The following KLRG1 variants were observed in gnomAD, a reference collection of about 807,000 sequenced individuals.
KLRG1 encodes the protein killer cell lectin-like receptor subfamily G member 1.
A neutral mutation model predicts 21.8 loss-of-function variants in KLRG1; 16 were observed. That is an observed-to-expected ratio of 0.73 (90% CI 0.50 to 1.11). The LOEUF (loss-of-function observed/expected upper bound fraction) is 1.11, where lower values mean the gene tolerates loss of function less well. KLRG1 is among the 50% of genes most tolerant of loss of function. The pLI is 0.00. For missense variants in KLRG1, 173 were observed against 218.3 expected (o/e 0.79, Z 1.31); for synonymous variants, 69 against 75.9 (o/e 0.91, Z 0.47).
the KLRG1 span, among the ~76,000 whole-genome samples, chr12:9,121,157 G>T: frequency 6.6e-6 from 1 of 152,048 alleles, no homozygotes; most frequent in South Asian, 2.1e-4. The surrounding 1 kb of genome is among the most constrained non-coding windows in gnomAD (Gnocchi z 4.4). Flanking sequence ...AAGTGTTAGG[G>T]TTACAGGCAT....
the KLRG1 span, among the ~76,000 whole-genome samples, chr12:9,191,139 TATAG>T: frequency 6.6e-6 from 1 of 152,132 alleles, no homozygotes; most frequent in Non-Finnish European, 1.5e-5. Context: ...CATTTTACTA[TATAG>T]AGATTTTCAT....
the KLRG1 span, chr12:9,202,606 T>G: frequency 6.2e-7 from 1 of 1,614,140 alleles, no homozygotes; most frequent in South Asian, 1.1e-5. Flanking sequence ...ACTGTGTTCC[T>G]CTTCCTGAAA....
chr12:8,954,180 A>G (rs754467371), intron 1 of KLRG1, among the ~76,000 whole-genome samples: 1 of 152,254 alleles, frequency 6.6e-6, no homozygotes, highest in South Asian at 2.1e-4. Context: ...AATAAGACAC[A>G]CACAGAAAGA....
At chr12:8,989,225 A>G (rs1181051846), upstream of KLRG1, among the ~76,000 whole-genome samples, 1 of 152,216 alleles carries the variant, frequency 6.6e-6, no homozygotes, top group African/African-American at 2.4e-5. Context: ...TGATGAAGTC[A>G]GTCTCATTTG....
chr12:8,984,062 A>G (rs1015930626), intron 1 of KLRG1, among the ~76,000 whole-genome samples: 8 of 152,006 alleles, frequency 5.3e-5, no homozygotes, highest in Admixed American at 3.3e-4. Context: ...GGCATTGTTC[A>G]TAGGTCACTG....
At chr12:9,123,962 C>T in the KLRG1 span, among the ~76,000 whole-genome samples, 2 of 147,808 alleles carry the variant, frequency 1.4e-5, no homozygotes, top group African/African-American at 5.3e-5. Flanking sequence ...CCGCCCTTAA[C>T]CCATTTCCTA....
At chr12:9,053,267 C>T in the KLRG1 span, among the ~76,000 whole-genome samples, 1 of 152,028 alleles carries the variant, frequency 6.6e-6, no homozygotes, top group African/African-American at 2.4e-5. Flanking sequence ...AAGGCTGTGA[C>T]CACCTGTGAC....
At chr12:9,095,155 A>G in the KLRG1 span, 1 of 793,434 alleles carries the variant, frequency 1.3e-6, no homozygotes, top group Non-Finnish European at 1.9e-6. Flanking sequence ...ACTTCTTTTT[A>G]TTGAATTTGA....
At chr12:9,200,928 C>T in the KLRG1 span, 4 of 1,613,932 alleles carry the variant, frequency 2.5e-6, no homozygotes, top group Middle Eastern at 3.3e-4. Flanking sequence ...TGTATCCTTC[C>T]ACCTGATTCT....
the KLRG1 span, among the ~76,000 whole-genome samples, chr12:9,046,173 A>G: frequency 3.8e-3 from 583 of 152,320 alleles, 2 homozygotes; most frequent in African/African-American, 0.013. Flanking sequence ...GGAAAGAATC[A>G]GTGAGCTTGA....
upstream of KLRG1, among the ~76,000 whole-genome samples, chr12:8,988,770 C>T (rs1158516038): frequency 3.9e-5 from 6 of 152,072 alleles, no homozygotes; most frequent in East Asian, 5.8e-4. Flanking sequence ...TTAGTAGAGA[C>T]GGGGTTTCAC....
At chr12:9,002,556 C>A (rs1381674433) in intron 3 of KLRG1, among the ~76,000 whole-genome samples, 1 of 148,470 alleles carries the variant, frequency 6.7e-6, no homozygotes, top group African/African-American at 2.4e-5. Context: ...CAGTTACCAC[C>A]TTTACCTATA....
intron 1 of KLRG1, among the ~76,000 whole-genome samples, chr12:8,952,002 C>G (rs1385480812): frequency 1.3e-5 from 2 of 152,222 alleles, no homozygotes; most frequent in Non-Finnish European, 2.9e-5. Context: ...TGGGTGCTTT[C>G]TGTGTTAGAA....
chr12:9,066,620 A>C, the KLRG1 span: 1 of 152,334 alleles, frequency 6.6e-6, no homozygotes, highest in Non-Finnish European at 1.5e-5. Context: ...AAACTCAGGC[A>C]AAGGTGCCAC....
the KLRG1 span, chr12:9,091,370 G>A: frequency 6.2e-7 from 1 of 1,614,206 alleles, no homozygotes; most frequent in Non-Finnish European, 8.5e-7. Flanking sequence ...GAAGGCCCCT[G>A]CCTTCCACTC....
chr12:9,017,130 G>A, the KLRG1 span, among the ~76,000 whole-genome samples: 1 of 151,572 alleles, frequency 6.6e-6, no homozygotes, highest in East Asian at 1.9e-4. Context: ...CAGGCGTGGT[G>A]GTGGGCATCT....
chr12:9,168,702 TTCTAGC>T, the KLRG1 span: 1 of 606,010 alleles, frequency 1.7e-6, no homozygotes, highest in South Asian at 2.1e-5. Flanking sequence ...CTCTGATCAG[TTCTAGC>T]TATCACCAGC....
chr12:9,068,746 C>G, the KLRG1 span: 1 of 1,599,148 alleles, frequency 6.3e-7, no homozygotes, highest in East Asian at 2.2e-5. Context: ...TCACCCGTCT[C>G]GTAGTAATCA....
the KLRG1 span, among the ~76,000 whole-genome samples, chr12:9,213,132 A>T: frequency 6.6e-6 from 1 of 152,154 alleles, no homozygotes; most frequent in Non-Finnish European, 1.5e-5. Context: ...ATGTTGTAGC[A>T]TATATATAGT....
Sources: gnomAD v4.1 joint callset for allele counts (sites outside exome capture counted in the v4.1 genomes callset) on GRCh38, gnomAD v4.1.1 for gene constraint, Gnocchi (gnomAD v3.1) non-coding constraint, MANE v1.5 for transcripts, NCBI Gene and HGNC (gene_info 2026-07-23, HGNC 2026-07-21) for gene names.